Variants in INSYN2B observed in about 807,000 individuals in gnomAD.
INSYN2B encodes the protein inhibitory synaptic factor family member 2B, also known as protein INSYN2B.
Under a neutral mutation model 41.2 loss-of-function variants are expected in INSYN2B, and 16 were observed. That is an observed-to-expected ratio of 0.39 (90% confidence interval 0.26 to 0.59). INSYN2B has a LOEUF of 0.59. Ranked by LOEUF, INSYN2B falls within the 20% of genes least tolerant of loss-of-function variation. The pLI is 0.57. For missense variants in INSYN2B, 608 were observed against 646.4 expected (o/e 0.94, Z 0.64); for synonymous variants, 245 against 244.4 (o/e 1.00, Z -0.02).
At chr5:169,904,066 T>C (rs115972436) in intron 1 of INSYN2B, among the ~76,000 whole-genome samples, 9,301 of 128,982 alleles carry the variant, frequency 0.072, 320 homozygotes, top group African/African-American at 0.091. Flanking sequence ...GACTCCAGCC[T>C]GGGCAACAGA....
chr5:169,934,891 G>A, intron 1 of INSYN2B: 1 of 353,290 alleles, frequency 2.8e-6, no homozygotes, highest in Non-Finnish European at 5.6e-6. Context: ...CCTTACACTT[G>A]ATATTTATTC....
At chr5:169,943,820 ACT>A (rs1349179133) in intron 1 of INSYN2B, among the ~76,000 whole-genome samples, 1 of 152,110 alleles carries the variant, frequency 6.6e-6, no homozygotes, top group East Asian at 1.9e-4. Context: ...CCCCAAGGTG[ACT>A]CTGACGCTCA....
intron 3 of INSYN2B, among the ~76,000 whole-genome samples, chr5:169,876,889 A>G (rs1772366581): frequency 6.6e-6 from 1 of 152,204 alleles, no homozygotes; most frequent in African/African-American, 2.4e-5. Context: ...TTTCTTTAAT[A>G]AGAACCTACT....
chr5:169,947,905 A>G (rs12659898), intron 1 of INSYN2B, among the ~76,000 whole-genome samples: 41,305 of 152,090 alleles, frequency 0.27, 6,689 homozygotes, highest in East Asian at 0.43. Context: ...ATAAATAAAA[A>G]GTAAATGTCA....
intron 1 of INSYN2B, among the ~76,000 whole-genome samples, chr5:169,949,316 C>T (rs1776567123): frequency 6.6e-6 from 1 of 152,010 alleles, no homozygotes; most frequent in Non-Finnish European, 1.5e-5. Context: ...ATAATGTGGA[C>T]AGAACTGTAA....
chr5:169,862,412 A>G lies in INSYN2B; in HGVS notation c.*1861T>C, dbSNP rs1041089467. 2.0e-5 allele frequency among the ~76,000 whole-genome samples: 3 copies of G among 152,230 alleles called. No individual in the cohort carries two copies. The highest frequency in any genetic ancestry group is 4.4e-5 in the Non-Finnish European group (3 of 68,042). ...GCTCTACTACAAGATAAAATTACAT[A>G]AGAGGTCCCAAATGATTTCACTTTA... On this transcript the variant is annotated 3_prime_UTR_variant, in exon 4 of 4. Transcript: ENST00000377365.
intron 1 of INSYN2B, among the ~76,000 whole-genome samples, chr5:169,917,404 T>C (rs1774933305): frequency 6.6e-6 from 1 of 152,122 alleles, no homozygotes; most frequent in Non-Finnish European, 1.5e-5. Context: ...GTAGTAAAAA[T>C]AGGGATTCTA....
intron 1 of INSYN2B, among the ~76,000 whole-genome samples, chr5:169,888,825 GAC>G (rs371157849): frequency 1.9e-3 from 297 of 152,314 alleles, no homozygotes; most frequent in Non-Finnish European, 3.3e-3. Flanking sequence ...GTAGCCATGA[GAC>G]ACTTGTGAAT....
chr5:169,933,904 A>G (rs1246684886), intron 1 of INSYN2B, among the ~76,000 whole-genome samples: 1 of 152,230 alleles, frequency 6.6e-6, no homozygotes. Context: ...CACTTCCTGA[A>G]CAAACTACTG....
At chr5:169,953,495 G>A (rs1234680899) in intron 1 of INSYN2B, among the ~76,000 whole-genome samples, 1 of 152,086 alleles carries the variant, frequency 6.6e-6, no homozygotes, top group Non-Finnish European at 1.5e-5. Flanking sequence ...GAGGTCTTGG[G>A]GATTGAATGA....
chr5:169,926,011 A>G (rs1775430879), intron 1 of INSYN2B, among the ~76,000 whole-genome samples: 1 of 152,086 alleles, frequency 6.6e-6, no homozygotes, highest in Non-Finnish European at 1.5e-5. Flanking sequence ...CCCTCATTCC[A>G]TGGCAGGATG....
rs184294803 is a variant in INSYN2B at position 169,869,155 on chromosome 5, C to A, written c.1422-4696G>T. Among the ~76,000 whole-genome samples, 8 of 152,366 alleles carry A rather than the reference C, an allele frequency of 5.3e-5. No individual in the cohort carries two copies. The East Asian group carries it at 1.4e-3, about 26-fold the overall frequency. ...TTCCCATCTCAGCTCCTCGCATCAA[C>A]CTTCAGCTCTTCAGTAGCTGCGCAC... is the stretch of plus-strand genomic sequence containing the variant. On this transcript the variant is annotated intron_variant, in intron 3 of 3. Coordinates refer to ENST00000377365, the MANE Select transcript of INSYN2B (RefSeq NM_001129891.3).
chr5:169,889,342 T>C (rs777037969), intron 1 of INSYN2B, among the ~76,000 whole-genome samples: 17 of 152,206 alleles, frequency 1.1e-4, no homozygotes, highest in Non-Finnish European at 2.1e-4. Flanking sequence ...TTTAATTTGG[T>C]TAAACTTTAT....
chr5:169,941,329 GCCCA>G (rs1776237307), intron 1 of INSYN2B, among the ~76,000 whole-genome samples: 2 of 152,064 alleles, frequency 1.3e-5, no homozygotes, highest in Admixed American at 6.5e-5. Context: ...TGTCTCAGCC[GCCCA>G]AGTAGCTGGG....
At chr5:169,887,194 C>A (rs772292876) in intron 1 of INSYN2B, among the ~76,000 whole-genome samples, 19 of 152,190 alleles carry the variant, frequency 1.2e-4, no homozygotes, top group Admixed American at 9.2e-4. Flanking sequence ...ACTCCCTCCA[C>A]ATTTTCATTC....
chr5:169,903,453 C>G lies in INSYN2B; in HGVS notation c.-918-18637G>C, dbSNP rs369755430. Among the ~76,000 whole-genome samples, 178 of 148,086 alleles carry G rather than the reference C, an allele frequency of 1.2e-3. 6 individuals carry two copies. The South Asian group carries it at 0.037, about 31-fold the overall frequency. On this transcript the variant is annotated intron_variant, in intron 1 of 3. Transcript: ENST00000377365. ...TTCTGTGGTGGTGTGAGTGTGAAGGCTGGTGGCTAAGGGAGCCTCCTCAAG... is the reference window on the plus strand; with the variant it reads ...TTCTGTGGTGGTGTGAGTGTGAAGGGTGGTGGCTAAGGGAGCCTCCTCAAG...
At chr5:169,873,820 C>G (rs1772134555) in intron 3 of INSYN2B, among the ~76,000 whole-genome samples, 1 of 152,182 alleles carries the variant, frequency 6.6e-6, no homozygotes, top group Non-Finnish European at 1.5e-5. Flanking sequence ...ACTCTCAGAC[C>G]TCCAACCGTG....
intron 1 of INSYN2B, among the ~76,000 whole-genome samples, chr5:169,957,585 C>A (rs1281665914): frequency 6.6e-6 from 1 of 152,184 alleles, no homozygotes; most frequent in Non-Finnish European, 1.5e-5. Context: ...CCTCTTTCTA[C>A]TGCTAAACAG....
intron 1 of INSYN2B, among the ~76,000 whole-genome samples, chr5:169,920,663 A>T (rs1489319530): frequency 2.0e-5 from 3 of 152,236 alleles, no homozygotes; most frequent in Admixed American, 1.3e-4. Context: ...CCCCAGTGGC[A>T]GGTGATGGAC....
Sources: gnomAD v4.1 joint callset for allele counts (sites outside exome capture counted in the v4.1 genomes callset) on GRCh38, gnomAD v4.1.1 for gene constraint, MANE v1.5 for transcripts, NCBI Gene and HGNC (gene_info 2026-07-23, HGNC 2026-07-21) for gene names.